DCAF6: variants seen among roughly 807,000 people sequenced by gnomAD.
DCAF6 encodes DDB1- and CUL4-associated factor 6.
Under a neutral mutation model 125.1 loss-of-function variants are expected in DCAF6, and 54 were observed. The ratio of observed to expected loss-of-function variants is 0.43; its 90% CI spans 0.35 to 0.54. DCAF6 has a LOEUF of 0.54. Among genes scored for constraint, DCAF6 ranks in the 20% least tolerant of loss-of-function variants. DCAF6 has a pLI of 0.01. For synonymous variants in DCAF6, 371 were observed against 390.4 expected (o/e 0.95, Z 0.58); for missense variants, 934 against 1,161.7 (o/e 0.80, Z 2.85).
upstream of DCAF6, among the ~76,000 whole-genome samples, chr1:167,933,317 G>A (rs866961444): frequency 2.8e-4 from 42 of 151,924 alleles, no homozygotes; most frequent in African/African-American, 9.7e-4. Flanking sequence ...ACTGGCACCC[G>A]CCACTACACC....
intron 3 of DCAF6, among the ~76,000 whole-genome samples, chr1:167,968,948 T>G (rs1676880564): frequency 6.6e-6 from 1 of 152,178 alleles, no homozygotes; most frequent in Non-Finnish European, 1.5e-5. Flanking sequence ...CAATGTGAAA[T>G]TTACTTCATT....
chr1:167,976,493 A>G (rs570124978), intron 4 of DCAF6, among the ~76,000 whole-genome samples: 46 of 152,254 alleles, frequency 3.0e-4, no homozygotes, highest in African/African-American at 1.0e-3. Context: ...ATAAAAATAA[A>G]GTCTACCTTT....
the DCAF6 span, among the ~76,000 whole-genome samples, chr1:167,902,256 G>T: frequency 2.0e-5 from 3 of 152,194 alleles, no homozygotes; most frequent in Non-Finnish European, 4.4e-5. Context: ...CGTGGAACCA[G>T]TTTACATCTA....
At chr1:168,067,902 A>G (rs548423591) in intron 20 of DCAF6, among the ~76,000 whole-genome samples, 1 of 152,292 alleles carries the variant, frequency 6.6e-6, no homozygotes, top group East Asian at 1.9e-4. Flanking sequence ...ACCCTTGCCC[A>G]AAAATTTATT....
chr1:167,933,704 G>A (rs1369304325), upstream of DCAF6, among the ~76,000 whole-genome samples: 1 of 152,188 alleles, frequency 6.6e-6, no homozygotes, highest in African/African-American at 2.4e-5. Context: ...AAACTCTTAA[G>A]ACAATAATCA....
intron 21 of DCAF6, 93 bp downstream of exon 21, chr1:168,068,556 T>C (rs1692634980): frequency 1.7e-6 from 1 of 601,224 alleles, no homozygotes; most frequent in South Asian, 7.5e-5. Context: ...TATATATTTT[T>C]TAATATCACA....
intron 21 of DCAF6, among the ~76,000 whole-genome samples, chr1:168,074,618 C>T (rs565917640): frequency 1.7e-4 from 26 of 152,216 alleles, no homozygotes; most frequent in African/African-American, 6.0e-4. Context: ...TAATTAGGAT[C>T]ATCATTATGA....
intron 17 of DCAF6, among the ~76,000 whole-genome samples, chr1:168,055,331 GTTTTTTTTTTTTTTTT>G (rs554861802): frequency 1.3e-4 from 4 of 31,626 alleles, no homozygotes; most frequent in Non-Finnish European, 2.1e-4. Flanking sequence ...TCAGGCTTAA[GTTTTTTTTTTTTTTTT>G]TTTTTTTTTT....
the DCAF6 span, among the ~76,000 whole-genome samples, chr1:167,877,235 T>C: frequency 5.4e-5 from 8 of 149,292 alleles, no homozygotes; most frequent in African/African-American, 2.0e-4. Context: ...TTATAATAGT[T>C]TCTATCTCGT....
chr1:168,050,669 C>T (rs1315361251), intron 16 of DCAF6, among the ~76,000 whole-genome samples: 1 of 152,206 alleles, frequency 6.6e-6, no homozygotes, highest in Non-Finnish European at 1.5e-5. Context: ...GCAATGTCTT[C>T]CTTCTATTCT....
intron 3 of DCAF6, among the ~76,000 whole-genome samples, chr1:167,967,983 A>C (rs1475422759): frequency 2.0e-5 from 3 of 151,934 alleles, no homozygotes; most frequent in Admixed American, 6.6e-5. Context: ...TGCCCACCTC[A>C]TCCTCCCAAA....
Position 167,988,740 on chromosome 1 carries a change from G to T in DCAF6, c.552+1132G>T, listed in dbSNP as rs576059052. 2.6e-5 allele frequency among the ~76,000 whole-genome samples: 4 copies of T among 152,076 alleles called. No individual in the cohort carries two copies. The East Asian group carries it at 7.7e-4, about 29-fold the overall frequency. On this transcript the variant is annotated intron_variant, in intron 5 of 21. Transcript: ENST00000367840. ...TGGTTAACATGCTTTAGGGGAAAAA[G>T]ATTATTTTATATATTTGAAACAGAA...
At chr1:168,013,572 A>G (rs1055140358) in intron 10 of DCAF6, among the ~76,000 whole-genome samples, 23 of 152,010 alleles carry the variant, frequency 1.5e-4, no homozygotes, top group Admixed American at 6.6e-5. Context: ...TTCAAAACCA[A>G]TTCCTCCTCT....
At chr1:167,967,576 T>C (rs1383931424) in intron 3 of DCAF6, among the ~76,000 whole-genome samples, 3 of 152,140 alleles carry the variant, frequency 2.0e-5, no homozygotes, top group African/African-American at 7.2e-5. Context: ...TAAATAGTTA[T>C]TTTAAAATTT....
At chr1:167,884,037 G>T in the DCAF6 span, among the ~76,000 whole-genome samples, 622 of 152,308 alleles carry the variant, frequency 4.1e-3, 9 homozygotes, top group African/African-American at 0.014. Flanking sequence ...GGCATGCAAT[G>T]CGTAATAATC....
chr1:167,897,057 G>A, the DCAF6 span, among the ~76,000 whole-genome samples: 6 of 151,880 alleles, frequency 4.0e-5, no homozygotes, highest in Admixed American at 2.0e-4. Context: ...GTTAAAGGAC[G>A]GGGGCTGATG....
At chr1:167,877,857 T>C in the DCAF6 span, among the ~76,000 whole-genome samples, 32 of 152,054 alleles carry the variant, frequency 2.1e-4, no homozygotes, top group Admixed American at 4.6e-4. Flanking sequence ...ATGAGGACAA[T>C]CTACTTAAAC....
In DCAF6 at chr1:168,043,065, T is replaced by C; in HGVS notation, c.1768T>C (p.Cys590Arg). ...AAGTTCTAGAGGAATTGGGAGCCAT[T>C]GCAAATCTGAGGGTCAGGAGGAATC... Reference protein sequence around the residue: ...ASSSRGIGSHCKSEGQEESFV... With the variant: ...ASSSRGIGSHRKSEGQEESFV... The change falls in exon 14 of 22, where the codon TGC becomes CGC. Residue 590 changes from cysteine (C) to arginine (R), a missense_variant. Coordinates refer to ENST00000367840, the MANE Select transcript of DCAF6 (RefSeq NM_001198956.2). 1 of 1,613,040 alleles carries C rather than the reference T, an allele frequency of 6.2e-7. No individual in the cohort carries two copies.
At chr1:167,991,447 A>G in intron 6 of DCAF6, 108 bp downstream of exon 6, 1 of 1,120,360 alleles carries the variant, frequency 8.9e-7, no homozygotes, top group Non-Finnish European at 1.2e-6. Flanking sequence ...TTCAGAAAAT[A>G]GTATTTGTTT....
Sources: gnomAD v4.1 joint callset for allele counts (sites outside exome capture counted in the v4.1 genomes callset) on GRCh38, gnomAD v4.1.1 for gene constraint, MANE v1.5 for transcripts, NCBI Gene and HGNC (gene_info 2026-07-23, HGNC 2026-07-21) for gene names.